Variants in SLC4A4 observed in about 807,000 individuals in gnomAD.
SLC4A4 encodes solute carrier family 4 member 4, also known as electrogenic sodium bicarbonate cotransporter 1.
A neutral mutation model predicts 111.5 loss-of-function variants in SLC4A4; 27 were observed. That is an observed-to-expected ratio of 0.24 (90% CI 0.18 to 0.33). The LOEUF (loss-of-function observed/expected upper bound fraction) is 0.33, where lower values mean the gene tolerates loss of function less well. Ranked by LOEUF, SLC4A4 falls within the 10% of genes least tolerant of loss-of-function variation. The pLI is 1.00. For synonymous variants in SLC4A4, 443 were observed against 463.4 expected (o/e 0.96, Z 0.57); for missense variants, 909 against 1,315.5 (o/e 0.69, Z 4.78).
intron 7 of SLC4A4, among the ~76,000 whole-genome samples, chr4:71,420,629 C>T (rs1047129118): frequency 3.9e-5 from 6 of 152,172 alleles, no homozygotes; most frequent in African/African-American, 9.7e-5. Context: ...AGACTAACAG[C>T]GGATCTCTCA....
intron 9 of SLC4A4, among the ~76,000 whole-genome samples, chr4:71,448,373 T>G (rs1297931529): frequency 6.6e-6 from 1 of 151,612 alleles, no homozygotes; most frequent in Non-Finnish European, 1.5e-5. Flanking sequence ...AAACTTTATC[T>G]CTTGAAGTTT....
intron 7 of SLC4A4, among the ~76,000 whole-genome samples, chr4:71,403,417 C>CAG (rs1198438455): frequency 6.6e-6 from 1 of 152,148 alleles, no homozygotes; most frequent in Non-Finnish European, 1.5e-5. Flanking sequence ...TGGGAAGAGA[C>CAG]AGACTGTAAT....
At chr4:71,252,779 G>A (rs1218313018) in intron 2 of SLC4A4, among the ~76,000 whole-genome samples, 2 of 152,080 alleles carry the variant, frequency 1.3e-5, no homozygotes, top group African/African-American at 4.8e-5. Context: ...TGGATATGAG[G>A]GATCTTTTTG....
intron 2 of SLC4A4, among the ~76,000 whole-genome samples, chr4:71,175,001 T>A (rs1373607862): frequency 6.6e-6 from 1 of 152,232 alleles, no homozygotes; most frequent in Non-Finnish European, 1.5e-5. Context: ...GGTTAGACAT[T>A]CTAGTCTTGT....
In SLC4A4 at chr4:71,255,280, A is replaced by C; in HGVS notation, c.134A>C (p.His45Pro). 1 of 1,613,604 alleles carries C rather than the reference A, an allele frequency of 6.2e-7. No homozygotes were observed. The highest frequency in any genetic ancestry group is 1.1e-5 in the South Asian group (1 of 91,074). The change falls in exon 3 of 26, where the codon CAC becomes CCC. Residue 45 changes from histidine (H) to proline (P), a missense_variant. Around this residue, in one of 7 missense-constraint regions of SLC4A4, gnomAD observed 117 missense variants for 154.2 expected, o/e 0.76. Coordinates refer to ENST00000264485, the MANE Select transcript of SLC4A4 (RefSeq NM_001098484.3). Reference sequence around the variant, plus strand: ...AAGAGTTACAGGAGAAGGAGACGTCACAAGAGAAAGACAGGGCACAAAGAA... The same window carrying C: ...AAGAGTTACAGGAGAAGGAGACGTCCCAAGAGAAAGACAGGGCACAAAGAA... ...VPKSYRRRRR[H>P]KRKTGHKEKK...
chr4:71,349,868 G>T (rs1729659358), intron 4 of SLC4A4, 44 bp from the exon 5 acceptor site: 3 of 1,603,758 alleles, frequency 1.9e-6, no homozygotes, highest in Non-Finnish European at 1.7e-6. Context: ...TCTAGAGGAA[G>T]TTAGAACACT....
intron 1 of SLC4A4, among the ~76,000 whole-genome samples, chr4:71,080,185 C>A (rs1224915205): frequency 1.1e-4 from 16 of 152,074 alleles, no homozygotes; most frequent in Non-Finnish European, 2.1e-4. Flanking sequence ...CTCTCCTGGT[C>A]CCCATGTGAT....
chr4:71,532,133 A>AG lies in SLC4A4; in HGVS notation c.2240dup (p.Val748ArgfsTer11). ...TCTTTTGTGTAATAGATGCCCTAGTAGGCGTGGACACCCCAAAACTAATTG... is the reference window on the plus strand; with the variant it reads ...TCTTTTGTGTAATAGATGCCCTAGTAGGGCGTGGACACCCCAAAACTAATTG... On this transcript the variant is annotated frameshift_variant, in exon 17 of 26. Transcript: ENST00000264485. LOFTEE classifies it high-confidence loss of function. The AG allele has an allele frequency of 6.2e-7, 1 of 1,612,804 alleles. No homozygotes were observed. The highest frequency in any genetic ancestry group is 8.5e-7 in the Non-Finnish European group (1 of 1,178,972).
intron 7 of SLC4A4, among the ~76,000 whole-genome samples, chr4:71,430,577 C>T (rs2149040467): frequency 6.6e-6 from 1 of 152,120 alleles, no homozygotes; most frequent in Non-Finnish European, 1.5e-5. Context: ...TTAATTGAAG[C>T]CCAAAAGGGG....
intron 2 of SLC4A4, among the ~76,000 whole-genome samples, chr4:71,140,238 G>A (rs1743958485): frequency 6.6e-6 from 1 of 152,140 alleles, no homozygotes; most frequent in Non-Finnish European, 1.5e-5. Flanking sequence ...TGGGCAACAT[G>A]GTGAAACCCT....
intron 1 of SLC4A4, among the ~76,000 whole-genome samples, chr4:71,081,119 C>T (rs969885315): frequency 6.6e-6 from 1 of 151,904 alleles, no homozygotes; most frequent in Admixed American, 6.6e-5. Flanking sequence ...ATAAACATGC[C>T]ATTTTTTCAC....
At chr4:71,443,108 CTCTCTCTCTATATA>C (rs1253545399) in intron 8 of SLC4A4, among the ~76,000 whole-genome samples, 14 of 101,962 alleles carry the variant, frequency 1.4e-4, no homozygotes, top group Non-Finnish European at 9.3e-5. Context: ...CTCTCTCTCT[CTCTCTCTCTATATA>C]TATATATATA....
intron 7 of SLC4A4, among the ~76,000 whole-genome samples, chr4:71,407,157 A>G (rs905099495): frequency 6.6e-6 from 1 of 152,190 alleles, no homozygotes; most frequent in Non-Finnish European, 1.5e-5. Context: ...CACGTATTCA[A>G]TCGAAGTTTC....
At chr4:71,504,452 G>T (rs1252308907) in intron 16 of SLC4A4, among the ~76,000 whole-genome samples, 2 of 151,312 alleles carry the variant, frequency 1.3e-5, no homozygotes, top group Non-Finnish European at 2.9e-5. Context: ...ATTCTTCACT[G>T]CCAAGATTTC....
intron 8 of SLC4A4, among the ~76,000 whole-genome samples, chr4:71,442,205 A>G (rs1560512059): frequency 6.6e-6 from 1 of 152,228 alleles, no homozygotes; most frequent in African/African-American, 2.4e-5. Context: ...ATACGCATTC[A>G]TTGAGAGCAA....
chr4:71,226,563 A>C (rs1381544230), intron 1 of SLC4A4, among the ~76,000 whole-genome samples: 1 of 152,154 alleles, frequency 6.6e-6, no homozygotes, highest in Non-Finnish European at 1.5e-5. Context: ...ATATAGTTAA[A>C]AATATGCTTG....
chr4:71,465,404 T>C (rs540345176), intron 12 of SLC4A4, among the ~76,000 whole-genome samples: 1 of 151,902 alleles, frequency 6.6e-6, no homozygotes, highest in East Asian at 2.0e-4. Flanking sequence ...TTAAAAATCA[T>C]GTCTTCATAA....
chr4:71,419,611 G>A (rs533237542), intron 7 of SLC4A4, among the ~76,000 whole-genome samples: 4 of 152,338 alleles, frequency 2.6e-5, no homozygotes, highest in Admixed American at 1.3e-4. Flanking sequence ...TCCTTTCTTT[G>A]ACTAGGAAAG....
chr4:71,392,206 G>T (rs1175439701), intron 6 of SLC4A4, among the ~76,000 whole-genome samples: 1 of 152,024 alleles, frequency 6.6e-6, no homozygotes, highest in Non-Finnish European at 1.5e-5. Flanking sequence ...TCTGGAAAAG[G>T]CTGATTAAAC....
Sources: gnomAD v4.1 joint callset for allele counts (sites outside exome capture counted in the v4.1 genomes callset) on GRCh38, gnomAD v4.1.1 for gene constraint, gnomAD v4.1.1 regional missense constraint, MANE v1.5 for transcripts, NCBI Gene and HGNC (gene_info 2026-07-23, HGNC 2026-07-21) for gene names.